LCP1: variants seen among roughly 807,000 people sequenced by gnomAD.
LCP1 encodes the protein lymphocyte cytosolic protein 1.
In LCP1, 23 loss-of-function variants were observed where a neutral mutation model predicts 72.0. The observed-to-expected ratio is 0.32, with a 90% CI of 0.23 to 0.45. The LOEUF is 0.45. Among genes scored for constraint, LCP1 ranks in the 20% least tolerant of loss-of-function variants. LCP1 has a pLI of 1.00. For missense variants in LCP1, 571 were observed against 748.3 expected (o/e 0.76, Z 2.76); for synonymous variants, 245 against 275.4 (o/e 0.89, Z 1.09).
intron 1 of LCP1, among the ~76,000 whole-genome samples, chr13:46,174,254 T>A (rs1192594006): frequency 6.6e-6 from 1 of 152,258 alleles, no homozygotes; most frequent in Non-Finnish European, 1.5e-5. Flanking sequence ...AAGTTACAGA[T>A]AAATTGAGAC....
chr13:46,128,547 A>G (rs192293483), intron 15 of LCP1, among the ~76,000 whole-genome samples: 288 of 152,214 alleles, frequency 1.9e-3, no homozygotes, highest in African/African-American at 6.4e-3. Flanking sequence ...GCAGTGAGCC[A>G]AGATCGTGCC....
chr13:46,130,904 T>C lies in LCP1; in HGVS notation c.1661A>G (p.Asp554Gly), dbSNP rs1247907547. 2 of 1,611,958 alleles carry C rather than the reference T, an allele frequency of 1.2e-6. No individual in the cohort carries two copies. Among genetic ancestry groups the C allele is most frequent in the East Asian group, 2.2e-5 (1 of 44,682 alleles). ...ACCTGGTTGGATGGCATCGATGAGG[T>C]CCAGAACAGGCAGACTTGTACTAAT... is the stretch of plus-strand genomic sequence containing the variant. ...PKISTSLPVLDLIDAIQPGSI... is the reference protein window; with the variant it reads ...PKISTSLPVLGLIDAIQPGSI... Residue 554 changes from aspartate to glycine, a missense_variant, in exon 15 of 16, where the codon GAC becomes GGC. By Grantham distance (94) the Asp-to-Gly change is moderately conservative. Coordinates refer to ENST00000323076, the MANE Select transcript of LCP1 (RefSeq NM_002298.5).
intron 3 of LCP1, 29 bp from the exon 4 acceptor site, chr13:46,158,680 C>T (rs981192226): frequency 2.5e-6 from 4 of 1,613,218 alleles, no homozygotes; most frequent in African/African-American, 2.7e-5. Flanking sequence ...TCTTTAGAAA[C>T]TCAAGCAGTG....
chr13:46,138,366 C>T (rs557129207), intron 13 of LCP1, among the ~76,000 whole-genome samples: 11 of 152,232 alleles, frequency 7.2e-5, no homozygotes, highest in Admixed American at 4.6e-4. Context: ...AAATCCCTTC[C>T]GGTGCCATTT....
chr13:46,140,781 C>T (rs1223850381), intron 13 of LCP1, among the ~76,000 whole-genome samples: 1 of 152,094 alleles, frequency 6.6e-6, no homozygotes, highest in Non-Finnish European at 1.5e-5. Context: ...CTCAAAATTT[C>T]TATACATGGA....
chr13:46,154,190 A>G (rs1261908777), intron 6 of LCP1, among the ~76,000 whole-genome samples: 1 of 152,234 alleles, frequency 6.6e-6, no homozygotes, highest in African/African-American at 2.4e-5. Context: ...TTTGGTTACC[A>G]TTTCCATTTT....
intron 1 of LCP1, among the ~76,000 whole-genome samples, chr13:46,175,175 A>G (rs2045923159): frequency 6.6e-6 from 1 of 152,196 alleles, no homozygotes; most frequent in Non-Finnish European, 1.5e-5. Context: ...TAAAAGAGTA[A>G]TTATCTTTCA....
intron 1 of LCP1, among the ~76,000 whole-genome samples, chr13:46,168,233 C>T (rs1566445442): frequency 1.3e-5 from 2 of 152,126 alleles, no homozygotes; most frequent in Admixed American, 6.6e-5. Context: ...AAGCGGAGTC[C>T]GTTCTATGTT....
At chr13:46,163,178 G>A (rs1349717981) in intron 1 of LCP1, among the ~76,000 whole-genome samples, 2 of 152,254 alleles carry the variant, frequency 1.3e-5, no homozygotes, top group South Asian at 4.1e-4. Context: ...TGACAATGGC[G>A]GTTTTGTGGA....
intron 13 of LCP1, among the ~76,000 whole-genome samples, chr13:46,141,585 A>G (rs1022381564): frequency 6.6e-5 from 10 of 152,176 alleles, no homozygotes; most frequent in African/African-American, 2.2e-4. Flanking sequence ...CAGTGAAACT[A>G]TCTTTAAAGT....
At chr13:46,167,465 A>G (rs2045882802) in intron 1 of LCP1, among the ~76,000 whole-genome samples, 1 of 152,178 alleles carries the variant, frequency 6.6e-6, no homozygotes, top group Non-Finnish European at 1.5e-5. Flanking sequence ...AGCCTCCTGC[A>G]AGAAAAGGGG....
chr13:46,150,158 A>T (rs964920588), intron 8 of LCP1, among the ~76,000 whole-genome samples: 1 of 152,156 alleles, frequency 6.6e-6, no homozygotes, highest in Non-Finnish European at 1.5e-5. Context: ...CTCTTTGGGG[A>T]AAAGTTATTT....
At chr13:46,154,991 C>A (rs762022293) in intron 5 of LCP1, 105 bp from the exon 6 acceptor site, 74 of 835,228 alleles carry the variant, frequency 8.9e-5, no homozygotes, top group Non-Finnish European at 1.4e-4. Flanking sequence ...AAGATAGCAA[C>A]AGAATCTGTG....
chr13:46,140,529 C>G lies in LCP1; in HGVS notation c.1502+1763G>C, dbSNP rs1198882411. ...TGTATTTAAGTTACTTAAGTCTATC[C>G]CAGGATTAAATTTAAGAATATTTAA... On this transcript the variant is annotated intron_variant, in intron 13 of 15. Coordinates refer to ENST00000323076, the MANE Select transcript of LCP1 (RefSeq NM_002298.5). Among the ~76,000 whole-genome samples the G allele has an allele frequency of 2.0e-5, 3 of 152,042 alleles. No homozygotes were observed. In the East Asian group the frequency reaches 5.8e-4, roughly 29 times the overall value.
At position 46,131,526 on chromosome 13, in the gene LCP1, A is replaced by G. The variant is rs2045634025; in HGVS notation, c.1627-588T>C. Among the ~76,000 whole-genome samples, 4 of 152,198 alleles carry G rather than the reference A, an allele frequency of 2.6e-5. No individual in the cohort carries two copies. The South Asian group carries it at 8.3e-4, about 31-fold the overall frequency. On this transcript the variant is annotated intron_variant, in intron 14 of 15. Transcript: ENST00000323076. Reference sequence around the variant, plus strand: ...TGGGTACATACTCAAAGGAAAATAAATTATTCTTCCAAAAAGACACCTGCA... The same window carrying G: ...TGGGTACATACTCAAAGGAAAATAAGTTATTCTTCCAAAAAGACACCTGCA...
At position 46,154,946 on chromosome 13, in the gene LCP1, G is replaced by A. The variant is rs2296121; in HGVS notation, c.492-60C>T. ...CTTCTGAATAACAGAGCCCAGTAACGTTGAATTTAAATTCTAGCAATACCA... is the reference window on the plus strand; with the variant it reads ...CTTCTGAATAACAGAGCCCAGTAACATTGAATTTAAATTCTAGCAATACCA... On this transcript the variant is annotated intron_variant, in intron 5 of 15. Transcript: ENST00000323076. 5.0e-4 allele frequency: 643 copies of A among 1,297,216 alleles called. 1 individual carries two copies. The African/African-American group carries it at 6.8e-3, about 14-fold the overall frequency. 80.4% of individuals were successfully genotyped at this position (1,297,216 alleles called of 1,614,324 possible).
chr13:46,135,099 A>C, intron 13 of LCP1, among the ~76,000 whole-genome samples: 1 of 117,986 alleles, frequency 8.5e-6, no homozygotes. Context: ...ACAGAGTGAG[A>C]CTCTGTCTCA....
chr13:46,159,753 A>C (rs774007723), intron 1 of LCP1, 67 bp from the exon 2 acceptor site: 19 of 870,320 alleles, frequency 2.2e-5, no homozygotes, highest in Non-Finnish European at 3.4e-5. Context: ...CACATTAAGA[A>C]GCAATTCCCA....
rs912271036 is a variant in LCP1 at position 46,153,161 on chromosome 13, A to G, written c.574-216T>C. Reference sequence around the variant, plus strand: ...GACCACTCATGCAGTGGTCCATTCAATCAAACCAGCACCATAAGTTGAAGG... The same window carrying G: ...GACCACTCATGCAGTGGTCCATTCAGTCAAACCAGCACCATAAGTTGAAGG... On this transcript the variant is annotated intron_variant, in intron 6 of 15. Transcript: ENST00000323076. 2.5e-5 allele frequency: 11 copies of G among 437,866 alleles called. No individual in the cohort carries two copies. In the East Asian group the frequency reaches 3.0e-4, roughly 12 times the overall value. The allele number at this position is 437,866 out of a possible 1,614,324, so 27.1% of individuals were successfully genotyped here.
Sources: gnomAD v4.1 joint callset for allele counts (sites outside exome capture counted in the v4.1 genomes callset) on GRCh38, gnomAD v4.1.1 for gene constraint, MANE v1.5 for transcripts, NCBI Gene and HGNC (gene_info 2026-07-23, HGNC 2026-07-21) for gene names.